Variants in FBXL20 observed in about 807,000 individuals in gnomAD.
FBXL20 encodes the protein F-box/LRR-repeat protein 20.
In FBXL20, 11 loss-of-function variants were observed where a neutral mutation model predicts 64.0. The observed-to-expected ratio is 0.17, with a 90% CI of 0.11 to 0.28. FBXL20 has a LOEUF of 0.28. FBXL20 is among the 10% of genes least tolerant of loss of function. FBXL20 has a pLI of 1.00. For synonymous variants in FBXL20, 184 were observed against 189.0 expected (o/e 0.97, Z 0.22); for missense variants, 303 against 526.2 (o/e 0.58, Z 4.15).
At chr17:39,299,407 CT>C in intron 4 of FBXL20, among the ~76,000 whole-genome samples, 1 of 152,272 alleles carries the variant, frequency 6.6e-6, no homozygotes. Flanking sequence ...AAGACAGCAA[CT>C]ACATTATTTT....
intron 2 of FBXL20, among the ~76,000 whole-genome samples, chr17:39,312,729 A>T: frequency 7.6e-6 from 1 of 131,176 alleles, no homozygotes; most frequent in South Asian, 2.2e-4. Flanking sequence ...ACCTGCCACC[A>T]CGCCTGGCTA....
chr17:39,354,856 CAA>C (rs1349988996), intron 1 of FBXL20, among the ~76,000 whole-genome samples: 1 of 152,084 alleles, frequency 6.6e-6, no homozygotes, highest in East Asian at 1.9e-4. Context: ...GTTGAAAAAA[CAA>C]AAGTTTGGAA....
intron 1 of FBXL20, among the ~76,000 whole-genome samples, chr17:39,392,959 C>G (rs996460951): frequency 6.6e-6 from 1 of 150,974 alleles, no homozygotes; most frequent in African/African-American, 2.4e-5. Flanking sequence ...TGTCATCGCA[C>G]TCCATCCTGG....
intron 14 of FBXL20, among the ~76,000 whole-genome samples, chr17:39,263,377 G>A (rs1445309348): frequency 1.3e-5 from 2 of 152,126 alleles, no homozygotes; most frequent in Admixed American, 6.5e-5. Context: ...TCAGGCTGGC[G>A]TGATGGCACA....
intron 1 of FBXL20, among the ~76,000 whole-genome samples, chr17:39,367,181 C>G (rs530547759): frequency 5.9e-5 from 9 of 152,112 alleles, no homozygotes; most frequent in Admixed American, 1.3e-4. Flanking sequence ...CCGCGCCCAG[C>G]CTATCAGTCC....
At chr17:39,303,247 T>TAAA (rs56985859) in intron 3 of FBXL20, among the ~76,000 whole-genome samples, 2 of 147,158 alleles carry the variant, frequency 1.4e-5, no homozygotes, top group African/African-American at 5.0e-5. Context: ...TGTCCTTGTG[T>TAAA]AAAAAAAAAA....
chr17:39,322,933 T>C (rs2047371628), intron 2 of FBXL20, among the ~76,000 whole-genome samples: 1 of 151,134 alleles, frequency 6.6e-6, no homozygotes, highest in Non-Finnish European at 1.5e-5. Context: ...GCCTCTCAAG[T>C]AGCTAGGACT....
At chr17:39,266,002 TCA>T (rs2046788017) in intron 12 of FBXL20, among the ~76,000 whole-genome samples, 1 of 150,578 alleles carries the variant, frequency 6.6e-6, no homozygotes, top group Admixed American at 6.6e-5. Flanking sequence ...CTGCCTCGCC[TCA>T]CAGAGTGTTG....
chr17:39,369,539 G>A (rs947506755), intron 1 of FBXL20, among the ~76,000 whole-genome samples: 6 of 152,080 alleles, frequency 3.9e-5, no homozygotes, highest in Non-Finnish European at 8.8e-5. Context: ...TTTTAGAAGA[G>A]ACGGGGTTTC....
rs551528028 is a variant in FBXL20, at chr17:39,401,505, G to A, written c.-103C>T. ...AGTTCCGGGACGGGGACTGGGCGCCGGAGGGGTGACGCCGGGACCGTGGGA... is the reference window on the plus strand; with the variant it reads ...AGTTCCGGGACGGGGACTGGGCGCCAGAGGGGTGACGCCGGGACCGTGGGA... On this transcript the variant is annotated 5_prime_UTR_variant, in exon 1 of 15. Transcript: ENST00000264658. 5 of 1,496,588 alleles carry A rather than the reference G, an allele frequency of 3.3e-6. No individual in the cohort carries two copies. In the African/African-American group the frequency reaches 5.7e-5, roughly 17 times the overall value. The allele number at this position is 1,496,588 out of a possible 1,614,324, so 92.7% of individuals were successfully genotyped here.
intron 2 of FBXL20, among the ~76,000 whole-genome samples, chr17:39,332,197 T>G (rs543902438): frequency 6.6e-6 from 1 of 152,210 alleles, no homozygotes; most frequent in African/African-American, 2.4e-5. Context: ...ACAAGAAATA[T>G]AAAACATTGT....
chr17:39,342,715 T>C (rs2047594760), intron 2 of FBXL20, among the ~76,000 whole-genome samples: 1 of 151,268 alleles, frequency 6.6e-6, no homozygotes. Flanking sequence ...AGACCCCGTC[T>C]CAAAAAAACA....
At chr17:39,313,631 ATTTAT>A (rs1055110495) in intron 2 of FBXL20, among the ~76,000 whole-genome samples, 2 of 150,148 alleles carry the variant, frequency 1.3e-5, no homozygotes, top group African/African-American at 4.9e-5. Context: ...CATAACAAAC[ATTTAT>A]TTATTTTTAC....
intron 1 of FBXL20, among the ~76,000 whole-genome samples, chr17:39,378,405 G>A (rs1252822460): frequency 1.3e-5 from 2 of 152,074 alleles, no homozygotes; most frequent in Admixed American, 6.6e-5. Flanking sequence ...AGAAGTTTGA[G>A]ATCAGTCTGA....
At chr17:39,276,978 T>C (rs1471807173) in intron 9 of FBXL20, among the ~76,000 whole-genome samples, 1 of 152,196 alleles carries the variant, frequency 6.6e-6, no homozygotes, top group African/African-American at 2.4e-5. Context: ...TGGTGGATAC[T>C]ATCAACTCTT....
At chr17:39,302,866 T>C (rs1383874950) in intron 3 of FBXL20, among the ~76,000 whole-genome samples, 6 of 152,110 alleles carry the variant, frequency 3.9e-5, no homozygotes, top group South Asian at 4.2e-4. Flanking sequence ...CTTACAACTG[T>C]GATATAGTGA....
chr17:39,340,441 G>C (rs965727234), intron 2 of FBXL20, among the ~76,000 whole-genome samples: 1 of 152,092 alleles, frequency 6.6e-6, no homozygotes, highest in African/African-American at 2.4e-5. Flanking sequence ...TGTTGGCCAG[G>C]CTGGTCTCCA....
Position 39,261,507 on chromosome 17 carries a change from C to T in FBXL20, c.1264G>A (p.Val422Ile). ...CAGAAGCGCTGTCTGCTGCCCCCTA[C>T]TGATGGGGGTGGAGTGACAGGTGCG... Reference protein sequence around the residue: ...YFAPVTPPPSVGGSRQRFCRC... With the variant: ...YFAPVTPPPSIGGSRQRFCRC... Residue 422 changes from valine (V) to isoleucine (I), a missense_variant, in exon 15 of 15, where the codon GTA (valine) becomes ATA (isoleucine). Transcript: ENST00000264658. The T allele has an allele frequency of 1.2e-6, 2 of 1,614,078 alleles. No homozygotes were observed. Among genetic ancestry groups the T allele is most frequent in the Non-Finnish European group, 1.7e-6 (2 of 1,179,950 alleles).
chr17:39,283,805 A>G (rs527791323), intron 7 of FBXL20, among the ~76,000 whole-genome samples: 7 of 152,228 alleles, frequency 4.6e-5, no homozygotes, highest in African/African-American at 9.6e-5. Context: ...GTTTAGCTTC[A>G]TATTTGTATT....
Sources: gnomAD v4.1 joint callset for allele counts (sites outside exome capture counted in the v4.1 genomes callset) on GRCh38, gnomAD v4.1.1 for gene constraint, MANE v1.5 for transcripts, NCBI Gene and HGNC (gene_info 2026-07-23, HGNC 2026-07-21) for gene names.